Variants in TNKS observed in about 807,000 individuals in gnomAD.
The protein encoded by TNKS is tankyrase.
Under a neutral mutation model 135.8 loss-of-function variants are expected in TNKS, and 72 were observed. The observed-to-expected ratio is 0.53, with a 90% CI of 0.44 to 0.64. TNKS has a LOEUF of 0.64. Among genes scored for constraint, TNKS ranks in the 30% least tolerant of loss-of-function variants. The pLI is 0.00. For synonymous variants in TNKS, 849 were observed against 649.3 expected, an observed-to-expected ratio of 1.31 and a Z score of -4.68; for missense variants, 1,769 against 1,674.0, an observed-to-expected ratio of 1.06 and a Z score of -0.99.
intron 11 of TNKS, among the ~76,000 whole-genome samples, chr8:9,718,840 A>T (rs2128812027): frequency 6.6e-6 from 1 of 152,332 alleles, no homozygotes; most frequent in South Asian, 2.1e-4. Context: ...TGGTGAAAAT[A>T]ATCACTTTAG....
At chr8:9,656,119 G>C (rs1801353611) in intron 3 of TNKS, among the ~76,000 whole-genome samples, 1 of 152,158 alleles carries the variant, frequency 6.6e-6, no homozygotes, top group Admixed American at 6.5e-5. Context: ...TAGCCAATGC[G>C]ATCAACTGGA....
rs765196797 is a variant in TNKS at position 9,730,953 on chromosome 8, C to A, written c.2065C>A (p.His689Asn). Reference sequence around the variant, plus strand: ...AGAGGGCCGGCATTCCACGCCCTTACACTTCGCAGCAGGCTACAACCGCGT... The same window carrying A: ...AGAGGGCCGGCATTCCACGCCCTTAAACTTCGCAGCAGGCTACAACCGCGT... ...DLEGRHSTPL[H>N]FAAGYNRVSV... The change falls in exon 14 of 27, where the codon CAC (histidine) becomes AAC (asparagine). Residue 689 changes from histidine (H) to asparagine (N), a missense_variant. This residue lies in a region of TNKS where 69 missense variants were observed against 120.3 expected (regional missense o/e 0.57). Coordinates refer to ENST00000310430, the MANE Select transcript of TNKS (RefSeq NM_003747.3). 1 of 1,614,130 alleles carries A rather than the reference C, an allele frequency of 6.2e-7. No homozygotes were observed.
At chr8:9,698,404 A>G (rs929194604) in intron 5 of TNKS, among the ~76,000 whole-genome samples, 8 of 146,112 alleles carry the variant, frequency 5.5e-5, no homozygotes, top group Admixed American at 5.5e-4. Flanking sequence ...TTAAGTATAT[A>G]AGCAACTTAA....
At chr8:9,685,499 A>G (rs187906701) in intron 5 of TNKS, among the ~76,000 whole-genome samples, 1 of 152,314 alleles carries the variant, frequency 6.6e-6, no homozygotes, top group East Asian at 1.9e-4. Flanking sequence ...TTTCAAATGT[A>G]TCTAGAATGG....
At chr8:9,745,605 A>G (rs1806193394) in intron 17 of TNKS, among the ~76,000 whole-genome samples, 2 of 152,066 alleles carry the variant, frequency 1.3e-5, no homozygotes, top group Admixed American at 1.3e-4. Context: ...GGGTTTCGCC[A>G]TGTTGGCCAG....
intron 25 of TNKS, among the ~76,000 whole-genome samples, chr8:9,769,693 C>T (rs1449604875): frequency 6.9e-6 from 1 of 144,408 alleles, no homozygotes; most frequent in South Asian, 2.2e-4. Flanking sequence ...GATCTCGGCT[C>T]ACTGCAAGCT....
chr8:9,775,980 G>C (rs1426515656), intron 26 of TNKS, among the ~76,000 whole-genome samples: 1 of 151,886 alleles, frequency 6.6e-6, no homozygotes, highest in Non-Finnish European at 1.5e-5. Context: ...AGCTTCCTCT[G>C]ATCAGCCTCC....
At chr8:9,582,594 A>G (rs1798209067) in intron 2 of TNKS, among the ~76,000 whole-genome samples, 1 of 152,180 alleles carries the variant, frequency 6.6e-6, no homozygotes, top group African/African-American at 2.4e-5. Flanking sequence ...TGACCCCACC[A>G]GTTTCCAGCT....
intron 11 of TNKS, among the ~76,000 whole-genome samples, chr8:9,710,637 CTGTA>C (rs1219072114): frequency 6.6e-6 from 1 of 152,204 alleles, no homozygotes; most frequent in Admixed American, 6.5e-5. Context: ...TGGCTCACGC[CTGTA>C]ATCCCAGCAC....
chr8:9,770,395 C>G lies in TNKS; in HGVS notation c.3897+133C>G, dbSNP rs868639347. On this transcript the variant is annotated intron_variant, in intron 26 of 26. Coordinates refer to ENST00000310430, the MANE Select transcript of TNKS (RefSeq NM_003747.3). ...GTGCTAGTATTAATTACTTCAGATA[C>G]AAAATAAAGGTATCAAAATAATTCT... 41 of 977,528 alleles carry G rather than the reference C, an allele frequency of 4.2e-5. No homozygotes were observed. In the Middle Eastern group the frequency reaches 2.9e-3, roughly 69 times the overall value. The allele number at this position is 977,528 out of a possible 1,614,324, so 60.6% of individuals were successfully genotyped here.
intron 3 of TNKS, among the ~76,000 whole-genome samples, chr8:9,657,256 CCCCCACCTCCCT>C (rs1801427813): frequency 1.8e-5 from 2 of 114,006 alleles, no homozygotes; most frequent in Admixed American, 8.3e-5. Context: ...GGGGCCGACC[CCCCCACCTCCCT>C]CCCGGACGGG....
chr8:9,602,508 C>T (rs1360523137), intron 2 of TNKS, among the ~76,000 whole-genome samples: 1 of 152,200 alleles, frequency 6.6e-6, no homozygotes, highest in Non-Finnish European at 1.5e-5. Flanking sequence ...CATTGAGCCA[C>T]CACTCAGATT....
chr8:9,652,558 A>C (rs1170621280), intron 3 of TNKS, among the ~76,000 whole-genome samples: 1 of 152,180 alleles, frequency 6.6e-6, no homozygotes, highest in African/African-American at 2.4e-5. Flanking sequence ...TTTTCTTATA[A>C]AGTTAGTGGA....
chr8:9,558,374 G>C (rs1797177707), intron 1 of TNKS: 2 of 152,126 alleles, frequency 1.3e-5, no homozygotes, highest in Non-Finnish European at 2.9e-5. Flanking sequence ...CAAGGGTCTT[G>C]CTTGTTTTAG....
chr8:9,639,312 C>T (rs1019416136), intron 3 of TNKS, among the ~76,000 whole-genome samples: 7 of 152,028 alleles, frequency 4.6e-5, no homozygotes, highest in Non-Finnish European at 8.8e-5. Flanking sequence ...TACAAACTGT[C>T]AGTTGTTTAA....
chr8:9,569,155 C>G (rs1199268644), intron 1 of TNKS, among the ~76,000 whole-genome samples: 5 of 152,184 alleles, frequency 3.3e-5, no homozygotes, highest in African/African-American at 9.7e-5. Context: ...CTTGAAAGCT[C>G]AGATTTTATC....
intron 2 of TNKS, among the ~76,000 whole-genome samples, chr8:9,590,240 T>A (rs573212462): frequency 1.3e-5 from 2 of 152,210 alleles, no homozygotes; most frequent in East Asian, 3.9e-4. Flanking sequence ...TGTAATTCCC[T>A]CCCTTTCTCT....
At chr8:9,625,507 A>C (rs1044466860) in intron 3 of TNKS, among the ~76,000 whole-genome samples, 1 of 151,280 alleles carries the variant, frequency 6.6e-6, no homozygotes, top group Non-Finnish European at 1.5e-5. Flanking sequence ...CTTTTTCCTA[A>C]TGTATGTATT....
At chr8:9,712,236 T>A (rs1352580640) in intron 11 of TNKS, among the ~76,000 whole-genome samples, 3 of 152,150 alleles carry the variant, frequency 2.0e-5, no homozygotes, top group African/African-American at 7.2e-5. Context: ...TCCCAGAGCT[T>A]TAGGAGGCAA....
Sources: gnomAD v4.1 joint callset for allele counts (sites outside exome capture counted in the v4.1 genomes callset) on GRCh38, gnomAD v4.1.1 for gene constraint, gnomAD v4.1.1 regional missense constraint, MANE v1.5 for transcripts, NCBI Gene and HGNC (gene_info 2026-07-23, HGNC 2026-07-21) for gene names.